The following L3MBTL4 variants were observed in gnomAD, a reference collection of about 807,000 sequenced individuals.
The protein encoded by L3MBTL4 is L3MBTL histone methyl-lysine binding protein 4.
Under a neutral mutation model 84.5 loss-of-function variants are expected in L3MBTL4, and 70 were observed. The ratio of observed to expected loss-of-function variants is 0.83; its 90% CI spans 0.68 to 1.01. The LOEUF is 1.01. Among genes scored for constraint, L3MBTL4 ranks in the 50% least tolerant of loss-of-function variants. L3MBTL4 has a pLI of 0.00. For missense variants in L3MBTL4, 715 were observed against 754.8 expected, an observed-to-expected ratio of 0.95 and a Z score of 0.62; for synonymous variants, 274 against 259.8, an observed-to-expected ratio of 1.05 and a Z score of -0.52.
intron 1 of L3MBTL4, among the ~76,000 whole-genome samples, chr18:6,392,642 C>A (rs1286500851): frequency 6.6e-6 from 1 of 152,184 alleles, no homozygotes; most frequent in Non-Finnish European, 1.5e-5. Context: ...CAAAAATCAA[C>A]TCAAGATGTA....
intron 13 of L3MBTL4, among the ~76,000 whole-genome samples, chr18:6,150,956 C>T (rs139459589): frequency 2.0e-5 from 3 of 152,296 alleles, no homozygotes; most frequent in African/African-American, 4.8e-5. Flanking sequence ...TGTCTCAGTG[C>T]CAGGGACCGC....
intron 14 of L3MBTL4, among the ~76,000 whole-genome samples, chr18:6,133,333 T>TCACACACACACACACACACACA (rs71699994): frequency 8.2e-5 from 12 of 146,690 alleles, no homozygotes; most frequent in African/African-American, 2.0e-4. Context: ...CAGCTCTAGA[T>TCACACACACACACACACACACA]CACACACACA....
At chr18:6,409,711 C>T (rs901500846) in intron 1 of L3MBTL4, among the ~76,000 whole-genome samples, 1 of 152,164 alleles carries the variant, frequency 6.6e-6, no homozygotes, top group Non-Finnish European at 1.5e-5. Context: ...ATTTGCTAAG[C>T]TCCAAAACCA....
chr18:6,380,024 C>T (rs942638763), intron 1 of L3MBTL4, among the ~76,000 whole-genome samples: 1 of 152,130 alleles, frequency 6.6e-6, no homozygotes, highest in Non-Finnish European at 1.5e-5. Context: ...AGGGATTCGA[C>T]TTCTTCCTGG....
intron 16 of L3MBTL4, among the ~76,000 whole-genome samples, chr18:5,971,671 A>G (rs983798417): frequency 1.2e-4 from 19 of 152,246 alleles, no homozygotes; most frequent in African/African-American, 4.1e-4. Context: ...TGTGCTCCCC[A>G]GCAGGAAAAT....
chr18:6,230,845 G>A (rs1191325470), intron 10 of L3MBTL4, among the ~76,000 whole-genome samples: 2 of 151,704 alleles, frequency 1.3e-5, no homozygotes, highest in South Asian at 2.1e-4. Flanking sequence ...TAATGAGTGA[G>A]CATATTTTCA....
intron 16 of L3MBTL4, among the ~76,000 whole-genome samples, chr18:6,011,934 G>A (rs2054757356): frequency 6.6e-6 from 1 of 152,198 alleles, no homozygotes; most frequent in African/African-American, 2.4e-5. Context: ...CAATGGCCTG[G>A]GCTGCTTTTC....
chr18:6,227,517 T>A (rs2046827343), intron 10 of L3MBTL4, among the ~76,000 whole-genome samples: 1 of 152,200 alleles, frequency 6.6e-6, no homozygotes, highest in African/African-American at 2.4e-5. Context: ...CCAGATGGCT[T>A]CACTTATGAC....
chr18:6,345,233 A>G (rs1045140530), intron 1 of L3MBTL4, among the ~76,000 whole-genome samples: 113 of 131,620 alleles, frequency 8.6e-4, no homozygotes, highest in African/African-American at 1.5e-3. Flanking sequence ...AAAAAAAAAA[A>G]AAAGAAAAAA....
chr18:6,093,635 A>G, intron 14 of L3MBTL4, 107 bp from the exon 15 acceptor site: 2 of 880,444 alleles, frequency 2.3e-6, no homozygotes, highest in Non-Finnish European at 3.2e-6. Context: ...TTGCATAGAA[A>G]CATTCTTCTT....
At chr18:6,079,572 T>C (rs1386519807) in intron 16 of L3MBTL4, among the ~76,000 whole-genome samples, 1 of 152,254 alleles carries the variant, frequency 6.6e-6, no homozygotes, top group Non-Finnish European at 1.5e-5. Context: ...CATTTTCTAT[T>C]TTTGTAAGGA....
At chr18:6,338,598 T>A (rs1278837787) in intron 1 of L3MBTL4, among the ~76,000 whole-genome samples, 1 of 151,832 alleles carries the variant, frequency 6.6e-6, no homozygotes, top group Non-Finnish European at 1.5e-5. Flanking sequence ...GTCAAAAGAA[T>A]GTATCAAGTA....
intron 1 of L3MBTL4, among the ~76,000 whole-genome samples, chr18:6,363,406 A>G (rs1417914156): frequency 1.3e-5 from 2 of 152,098 alleles, no homozygotes; most frequent in Non-Finnish European, 2.9e-5. Context: ...CCAAACTGCA[A>G]TGTTATGAGA....
intron 14 of L3MBTL4, among the ~76,000 whole-genome samples, chr18:6,137,967 G>C (rs112459318): frequency 0.048 from 7,327 of 152,180 alleles, 254 homozygotes; most frequent in Non-Finnish European, 0.07. Context: ...CAGAGATTCT[G>C]GGACATGAAG....
At chr18:6,013,775 T>C (rs1265642374) in intron 16 of L3MBTL4, among the ~76,000 whole-genome samples, 1 of 152,236 alleles carries the variant, frequency 6.6e-6, no homozygotes, top group Middle Eastern at 3.2e-3. Context: ...TTGTCTATGA[T>C]GATCCTCAAA....
rs557255359 is a variant in L3MBTL4, at chr18:6,187,111, C to T, written c.982-15169G>A. On this transcript the variant is annotated intron_variant, in intron 12 of 18. Coordinates refer to ENST00000317931, the MANE Select transcript of L3MBTL4 (RefSeq NM_001330559.2). ...AGATGATATGGGTAAAAACAGAGGT[C>T]CACTTAGAAAACTGATATGACCTTC... Among the ~76,000 whole-genome samples the T allele has an allele frequency of 7.2e-5, 11 of 152,258 alleles. No homozygotes were observed. In the East Asian group the frequency reaches 1.9e-3, roughly 27 times the overall value.
chr18:6,229,645 ATT>A (rs555649879), intron 10 of L3MBTL4, among the ~76,000 whole-genome samples: 103 of 152,194 alleles, frequency 6.8e-4, no homozygotes, highest in Non-Finnish European at 1.2e-3. Flanking sequence ...TCTTTGATTC[ATT>A]TTGAGTCAGT....
In L3MBTL4 at chr18:6,224,230, C is replaced by T. The variant is rs77987731; in HGVS notation, c.785-8395G>A. Reference sequence around the variant, plus strand: ...CCTGGAAGTGTAAAAAAGAAACCAACAAATGAAAACTGACTTAACAAAACT... The same window carrying T: ...CCTGGAAGTGTAAAAAAGAAACCAATAAATGAAAACTGACTTAACAAAACT... On this transcript the variant is annotated intron_variant, in intron 10 of 18. Transcript: ENST00000317931. Among the ~76,000 whole-genome samples the T allele has an allele frequency of 3.4e-3, 525 of 152,232 alleles. 1 individual carries two copies. The highest frequency in any genetic ancestry group is 0.012 in the African/African-American group (488 of 41,562).
At chr18:6,092,518 T>A (rs559451027) in intron 15 of L3MBTL4, among the ~76,000 whole-genome samples, 11 of 152,358 alleles carry the variant, frequency 7.2e-5, no homozygotes, top group Non-Finnish European at 1.3e-4. Flanking sequence ...TCTTGCACAG[T>A]CAGGGTCTAG....
Sources: gnomAD v4.1 joint callset for allele counts (sites outside exome capture counted in the v4.1 genomes callset) on GRCh38, gnomAD v4.1.1 for gene constraint, MANE v1.5 for transcripts, NCBI Gene and HGNC (gene_info 2026-07-23, HGNC 2026-07-21) for gene names.